Variants in EML2 observed in about 807,000 individuals in gnomAD.
EML2 encodes the protein EMAP like 2.
In EML2, 59 loss-of-function variants were observed where a neutral mutation model predicts 84.7. The ratio of observed to expected loss-of-function variants is 0.70; its 90% CI spans 0.56 to 0.86. The LOEUF (loss-of-function observed/expected upper bound fraction) is 0.86, where lower values mean the gene tolerates loss of function less well. Ranked by LOEUF, EML2 falls within the 40% of genes least tolerant of loss-of-function variation. The probability of loss-of-function intolerance (pLI) is 0.00; values close to 1 mark genes in which losing one functional copy is unlikely to be tolerated. For missense variants in EML2, 818 were observed against 855.6 expected, an observed-to-expected ratio of 0.96 and a Z score of 0.55; for synonymous variants, 352 against 348.9, an observed-to-expected ratio of 1.01 and a Z score of -0.10.
intron 3 of EML2, among the ~76,000 whole-genome samples, chr19:45,635,559 C>CA (rs1234257657): frequency 1.1e-4 from 15 of 136,584 alleles, no homozygotes; most frequent in East Asian, 2.1e-4. Context: ...CCTCCCACTC[C>CA]AAAAAAAAAT....
chr19:45,634,003 T>A (rs1166550487), intron 4 of EML2, among the ~76,000 whole-genome samples: 1 of 152,120 alleles, frequency 6.6e-6, no homozygotes, highest in Non-Finnish European at 1.5e-5. Context: ...CAGGCTGGAG[T>A]GTGGTGGCTC....
At chr19:45,631,095 C>T (rs964462729) in intron 6 of EML2, among the ~76,000 whole-genome samples, 8 of 152,316 alleles carry the variant, frequency 5.3e-5, no homozygotes, top group African/African-American at 1.9e-4. Flanking sequence ...GATACACCAG[C>T]TTCCACCTTC....
intron 11 of EML2, among the ~76,000 whole-genome samples, chr19:45,620,212 C>G (rs570534525): frequency 5.9e-4 from 90 of 151,992 alleles, no homozygotes; most frequent in African/African-American, 2.0e-3. Flanking sequence ...CTCCCAGGTT[C>G]AAGCAATTCT....
At chr19:45,611,781 C>A (rs1010164574) in intron 18 of EML2, among the ~76,000 whole-genome samples, 5 of 152,146 alleles carry the variant, frequency 3.3e-5, no homozygotes, top group African/African-American at 9.7e-5. Context: ...AGCCACCGGG[C>A]CTGGCCAGAA....
rs189117400 is a variant in EML2 at position 45,632,440 on chromosome 19, G to C, written c.510+421C>G. The C allele has an allele frequency of 2.2e-4, 37 of 170,750 alleles. 1 individual carries two copies. The highest frequency in any genetic ancestry group is 5.2e-4 in the East Asian group (3 of 5,818). The allele number at this position is 170,750 out of a possible 1,614,324, so 10.6% of individuals were successfully genotyped here. Reference sequence around the variant, plus strand: ...ATGATCCTCCCACCTCAGCCCCCCAGAGTGCTGGGATTACAGGCACAAGCC... The same window carrying C: ...ATGATCCTCCCACCTCAGCCCCCCACAGTGCTGGGATTACAGGCACAAGCC... On this transcript the variant is annotated intron_variant, in intron 6 of 18. Transcript: ENST00000245925.
intron 11 of EML2, 195 bp downstream of exon 11, chr19:45,621,012 G>T: frequency 1.2e-6 from 1 of 851,828 alleles, no homozygotes; most frequent in Non-Finnish European, 1.9e-6. Context: ...AGGGGCCTGG[G>T]GCCCCTCTGC....
intron 11 of EML2, chr19:45,619,397 C>A: frequency 2.1e-6 from 1 of 482,748 alleles, no homozygotes; most frequent in South Asian, 3.7e-5. Context: ...GCAAATCCTG[C>A]CCCTTCTCCA....
chr19:45,635,335 C>G (rs1022498266), intron 3 of EML2, among the ~76,000 whole-genome samples: 2 of 151,998 alleles, frequency 1.3e-5, no homozygotes, highest in Non-Finnish European at 2.9e-5. Context: ...GATGGGGTTT[C>G]ACCATATTGG....
upstream of EML2, chr19:45,642,164 C>T (rs899763203): frequency 4.7e-5 from 71 of 1,520,840 alleles, no homozygotes; most frequent in Admixed American, 1.2e-4. Context: ...CGCGGAGGCG[C>T]CCGGCCCTTG....
Position 45,634,460 on chromosome 19 carries a change from C to T in EML2, c.191G>A (p.Arg64His), listed in dbSNP as rs200186061. ...RLKLEWVYGY[R>H]GRDCRANLYL... The stretch of plus-strand genomic sequence containing the variant: ...AAGGTTGGCCCGGCAGTCTCGGCCA[C>T]GGTAGCCATAGCTGGAGCCACCCAG... Residue 64 changes from arginine to histidine, a missense_variant, in exon 4 of 19, where the codon CGT (arginine) becomes CAT (histidine). Transcript: ENST00000245925. The T allele has an allele frequency of 2.8e-5, 45 of 1,610,532 alleles. No homozygotes were observed. Among genetic ancestry groups the T allele is most frequent in the East Asian group, 1.8e-4 (8 of 44,636 alleles).
chr19:45,613,443 G>C, intron 18 of EML2, 98 bp downstream of exon 18: 1 of 1,441,392 alleles, frequency 6.9e-7, no homozygotes, highest in South Asian at 1.3e-5. Context: ...GGGAAACCGA[G>C]GCTCAGAGAA....
chr19:45,641,904 G>A, upstream of EML2: 4 of 1,446,952 alleles, frequency 2.8e-6, no homozygotes, highest in African/African-American at 2.8e-5. Flanking sequence ...GGGGGTCCCG[G>A]CCTTGTGCCT....
intron 3 of EML2, among the ~76,000 whole-genome samples, chr19:45,637,700 G>T (rs1208651093): frequency 8.0e-6 from 1 of 125,626 alleles, no homozygotes; most frequent in East Asian, 2.4e-4. Flanking sequence ...TTTTGAGACG[G>T]AGTTTCACTC....
At chr19:45,621,098 A>C in intron 11 of EML2, 109 bp downstream of exon 11, 1 of 1,460,398 alleles carries the variant, frequency 6.8e-7, no homozygotes, top group Non-Finnish European at 9.3e-7. Flanking sequence ...GAGAAGGGAC[A>C]GAGCAGGGAG....
upstream of EML2, chr19:45,643,435 G>T: frequency 6.7e-6 from 5 of 749,548 alleles, no homozygotes; most frequent in Admixed American, 3.0e-5. Flanking sequence ...TCTGTACCCC[G>T]CGCCCCAGAT....
chr19:45,621,048 G>T, intron 11 of EML2, 159 bp downstream of exon 11: 1 of 1,130,028 alleles, frequency 8.8e-7, no homozygotes, highest in Non-Finnish European at 1.3e-6. Context: ...ACTCTTGGTT[G>T]CTGGATCCTG....
At position 45,634,046 on chromosome 19, in the gene EML2, T is replaced by A. The variant is rs1048352741; in HGVS notation, c.329+276A>T. Among the ~76,000 whole-genome samples, 26 of 152,244 alleles carry A rather than the reference T, an allele frequency of 1.7e-4. No homozygotes were observed. The South Asian group carries it at 3.5e-3, about 21-fold the overall frequency. ...GCAGCCTCGACCTCCTGGGTTCAAG[T>A]GATCCTCTCGCCTCAACCTCCTGAG... On this transcript the variant is annotated intron_variant, in intron 4 of 18. Transcript: ENST00000245925.
At position 45,621,638 on chromosome 19, in the gene EML2, C is replaced by T. The variant is rs757998575; in HGVS notation, c.842-1G>A. Reference sequence around the variant, plus strand: ...ACCGCCTGTGTGATACGGTTCCCACCTGCAGGGTGGCCAGGGGCAGGGTCA... The same window carrying T: ...ACCGCCTGTGTGATACGGTTCCCACTTGCAGGGTGGCCAGGGGCAGGGTCA... On this transcript the variant is annotated splice_acceptor_variant, in intron 9 of 18. Transcript: ENST00000245925. LOFTEE classifies it high-confidence loss of function. 6.2e-7 allele frequency: 1 copy of T among 1,606,578 alleles called. No individual in the cohort carries two copies. Among genetic ancestry groups the T allele is most frequent in the Admixed American group, 1.7e-5 (1 of 59,888 alleles).
upstream of EML2, chr19:45,641,616 G>T (rs1470164644): frequency 4.6e-6 from 7 of 1,533,268 alleles, no homozygotes; most frequent in East Asian, 2.4e-5. Flanking sequence ...CTCTTTCTGC[G>T]GCTTGACGCC....
Sources: allele counts gnomAD v4.1 joint callset (sites outside exome capture counted in the v4.1 genomes callset), GRCh38; gene constraint gnomAD v4.1.1; transcripts MANE v1.5; gene names NCBI Gene and HGNC (gene_info 2026-07-23, HGNC 2026-07-21).